The following LRRCC1 variants were observed in gnomAD, a reference collection of about 807,000 sequenced individuals.
LRRCC1 encodes the protein leucine rich repeat and coiled-coil centrosomal protein 1.
In LRRCC1, 115 loss-of-function variants were observed where a neutral mutation model predicts 126.0. The observed-to-expected ratio is 0.91, with a 90% CI of 0.78 to 1.07. The LOEUF (loss-of-function observed/expected upper bound fraction) is 1.07. LRRCC1 is among the 50% of genes least tolerant of loss of function. LRRCC1 has a pLI of 0.00. For missense variants in LRRCC1, 1,172 were observed against 1,175.7 expected, an observed-to-expected ratio of 1.00 and a Z score of 0.05; for synonymous variants, 400 against 393.4, an observed-to-expected ratio of 1.02 and a Z score of -0.20.
intron 18 of LRRCC1, 100 bp from the exon 19 acceptor site, chr8:85,145,289 A>G (rs1001615501): frequency 1.1e-4 from 103 of 911,460 alleles, no homozygotes; most frequent in Non-Finnish European, 1.6e-4. Context: ...ACAAATTTCA[A>G]AATGTGTAAG....
chr8:85,126,907 A>G, intron 9 of LRRCC1, 70 bp downstream of exon 9: 3 of 1,324,704 alleles, frequency 2.3e-6, no homozygotes, highest in African/African-American at 2.9e-5. Context: ...ACTGGAATAC[A>G]TTAGTTTCAG....
intron 18 of LRRCC1, among the ~76,000 whole-genome samples, chr8:85,142,746 C>G (rs1811340755): frequency 6.7e-6 from 1 of 150,312 alleles, no homozygotes; most frequent in Non-Finnish European, 1.5e-5. Context: ...CACAGGATCA[C>G]TTGAGCCCTG....
Position 85,141,421 on chromosome 8 carries a change from TA to T in LRRCC1, c.2884del (p.Arg962AspfsTer14). On this transcript the variant is annotated frameshift_variant, in exon 18 of 19. Coordinates refer to ENST00000360375, the MANE Select transcript of LRRCC1 (RefSeq NM_033402.5). LOFTEE classifies it high-confidence loss of function. ...AACTTCATAGTATGGATGATGCCTT[TA>T]AAAGACAAGTTGATGCAATTGTTGA... ...EKLHSMDDAF[K>X]RQVDAIVEAH... 1 of 1,613,350 alleles carries T rather than the reference TA, an allele frequency of 6.2e-7. No individual in the cohort carries two copies. The highest frequency in any genetic ancestry group is 8.5e-7 in the Non-Finnish European group (1 of 1,179,500).
At chr8:85,109,363 GT>G (rs755085006) in intron 1 of LRRCC1, 94 of 508,878 alleles carry the variant, frequency 1.8e-4, no homozygotes, top group Non-Finnish European at 2.9e-4. Flanking sequence ...AATGCCCACT[GT>G]CACTTGCCTG....
chr8:85,141,648 C>A, intron 18 of LRRCC1, 131 bp downstream of exon 18: 1 of 642,384 alleles, frequency 1.6e-6, no homozygotes, highest in South Asian at 2.7e-5. Flanking sequence ...AGAATGTTAC[C>A]AAAACTATCC....
chr8:85,122,391 C>G (rs914308599), intron 6 of LRRCC1, among the ~76,000 whole-genome samples: 1 of 152,138 alleles, frequency 6.6e-6, no homozygotes, highest in African/African-American at 2.4e-5. Flanking sequence ...GATATTGTCT[C>G]AAAATTCACT....
rs869241784 is a variant in LRRCC1 at position 85,144,444 on chromosome 8, GTA to G, written c.2977-915_2977-914del. ...TGTGTGTGTATGTGTGTGTGTGTGT[GTA>G]TATATATATATATATATATATATAT... On this transcript the variant is annotated intron_variant, in intron 18 of 18. Coordinates refer to ENST00000360375, the MANE Select transcript of LRRCC1 (RefSeq NM_033402.5). Among the ~76,000 whole-genome samples the G allele has an allele frequency of 1.8e-3, 210 of 114,892 alleles. 1 individual carries two copies. The highest frequency in any genetic ancestry group is 2.9e-3 in the East Asian group (9 of 3,066). 75.4% of individuals were successfully genotyped at this position (114,892 alleles called of 152,430 possible). A position where few individuals can be genotyped will look rare whatever the true frequency, so the allele number is the denominator to read the frequency against.
At chr8:85,108,184 C>T (rs901225006) in intron 1 of LRRCC1, among the ~76,000 whole-genome samples, 2 of 152,230 alleles carry the variant, frequency 1.3e-5, no homozygotes, top group Non-Finnish European at 2.9e-5. Context: ...AGCGTGTCCT[C>T]TACGCGAACT....
In LRRCC1 at chr8:85,115,107, A is replaced by G. The variant is rs1448751626; in HGVS notation, c.552A>G (p.Arg184=). ...DNPVCRLPGY[R]AVILQTLPQL... is the part of the protein sequence containing the mutation. The stretch of plus-strand genomic sequence containing the variant: ...GAATGATTTGTTTCCAAGGGTACAG[A>G]GCAGTTATTCTCCAGACTTTGCCAC... Residue 184 remains arginine (R), a synonymous_variant, in exon 5 of 19, where the codon AGA becomes AGG. Coordinates refer to ENST00000360375, the MANE Select transcript of LRRCC1 (RefSeq NM_033402.5). 5.0e-6 allele frequency: 8 copies of G among 1,599,464 alleles called. No homozygotes were observed. Among genetic ancestry groups the G allele is most frequent in the Non-Finnish European group, 6.0e-6 (7 of 1,174,918 alleles).
intron 10 of LRRCC1, among the ~76,000 whole-genome samples, 163 bp downstream of exon 10, chr8:85,129,542 T>A (rs1489611194): frequency 6.6e-6 from 1 of 152,240 alleles, no homozygotes; most frequent in Non-Finnish European, 1.5e-5. Context: ...GAATTATGTC[T>A]AAATTAAGAC....
At chr8:85,139,150 G>C (rs1270179085) in intron 17 of LRRCC1, among the ~76,000 whole-genome samples, 1 of 152,200 alleles carries the variant, frequency 6.6e-6, no homozygotes, top group East Asian at 1.9e-4. Context: ...TTTAGTTGTT[G>C]AAAGTGGAAT....
chr8:85,127,401 C>T (rs190915295), intron 9 of LRRCC1, among the ~76,000 whole-genome samples: 494 of 151,918 alleles, frequency 3.3e-3, no homozygotes, highest in African/African-American at 0.011. Flanking sequence ...TTTTTTTCTT[C>T]TGTTTCCTGT....
chr8:85,119,693 TCA>T (rs578035618), intron 6 of LRRCC1, among the ~76,000 whole-genome samples: 517 of 152,196 alleles, frequency 3.4e-3, no homozygotes, highest in African/African-American at 0.012. Flanking sequence ...AGGGTTTCTT[TCA>T]CCGTGTTGCC....
At chr8:85,144,440 G>A (rs1486312131) in intron 18 of LRRCC1, among the ~76,000 whole-genome samples, 1 of 37,238 alleles carries the variant, frequency 2.7e-5, no homozygotes, top group Admixed American at 2.9e-4. Flanking sequence ...GTGTGTGTGT[G>A]TGTGTATATA....
At chr8:85,115,635 G>T in intron 6 of LRRCC1, 51 bp downstream of exon 6, 3 of 1,279,494 alleles carry the variant, frequency 2.3e-6, no homozygotes, top group Non-Finnish European at 3.3e-6. Context: ...AGAAAACATA[G>T]TTAAGAAAAT....
chr8:85,108,566 G>A (rs1230752230), intron 1 of LRRCC1: 1 of 152,150 alleles, frequency 6.6e-6, no homozygotes, highest in African/African-American at 2.4e-5. Flanking sequence ...GTGTCAGAAA[G>A]TAAATGACTG....
chr8:85,141,987 A>C (rs746883832), intron 18 of LRRCC1, among the ~76,000 whole-genome samples: 3 of 152,190 alleles, frequency 2.0e-5, no homozygotes, highest in Non-Finnish European at 4.4e-5. Flanking sequence ...AGAAGCACCT[A>C]TGAAGCTTTT....
At chr8:85,128,227 C>T (rs1810159913) in intron 9 of LRRCC1, among the ~76,000 whole-genome samples, 1 of 151,990 alleles carries the variant, frequency 6.6e-6, no homozygotes, top group African/African-American at 2.4e-5. Flanking sequence ...ATTCTGTATT[C>T]TAGGTATTTA....
At chr8:85,145,115 G>GTGTA (rs1554679346) in intron 18 of LRRCC1, among the ~76,000 whole-genome samples, 1 of 59,536 alleles carries the variant, frequency 1.7e-5, no homozygotes, top group African/African-American at 8.4e-5. Context: ...AAATATATGT[G>GTGTA]TGTATATATA....
Sources: allele counts gnomAD v4.1 joint callset (sites outside exome capture counted in the v4.1 genomes callset), GRCh38; gene constraint gnomAD v4.1.1; transcripts MANE v1.5; gene names NCBI Gene and HGNC (gene_info 2026-07-23, HGNC 2026-07-21).